The following UQCC5 variants were observed in gnomAD, a reference collection of about 807,000 sequenced individuals.
The protein encoded by UQCC5 is ubiquinol-cytochrome c reductase complex assembly factor 5.
the UQCC5 span, among the ~76,000 whole-genome samples, chr3:52,537,636 A>G: frequency 2.6e-5 from 4 of 152,262 alleles, no homozygotes; most frequent in Non-Finnish European, 5.9e-5. Context: ...TTGAGGGGCT[A>G]TAATGAACAA....
At chr3:52,538,112 T>C in the UQCC5 span, among the ~76,000 whole-genome samples, 1 of 152,204 alleles carries the variant, frequency 6.6e-6, no homozygotes, top group Non-Finnish European at 1.5e-5. Flanking sequence ...TTACGCTGTA[T>C]GGCTGTCCAG....
the UQCC5 span, among the ~76,000 whole-genome samples, chr3:52,539,166 C>T: frequency 2.0e-5 from 3 of 152,020 alleles, no homozygotes; most frequent in Non-Finnish European, 4.4e-5. Flanking sequence ...TCAGTTGGCC[C>T]CTCAGGACAC....
At chr3:52,538,340 G>A in the UQCC5 span, among the ~76,000 whole-genome samples, 3 of 152,242 alleles carry the variant, frequency 2.0e-5, no homozygotes, top group Admixed American at 1.3e-4. Flanking sequence ...CATCTGGGAC[G>A]TGACGAGGTA....
the UQCC5 span, chr3:52,541,065 G>A: frequency 1.3e-5 from 2 of 152,260 alleles, no homozygotes; most frequent in African/African-American, 2.4e-5. Flanking sequence ...GCAAGGGCTG[G>A]ATCTTCATGA....
At chr3:52,536,766 G>A in the UQCC5 span, 1 of 1,551,848 alleles carries the variant, frequency 6.4e-7, no homozygotes, top group Non-Finnish European at 8.7e-7. Flanking sequence ...ATGTTCACCA[G>A]GGCCCAGGTG....
At chr3:52,536,691 T>G in the UQCC5 span, 1 of 1,537,038 alleles carries the variant, frequency 6.5e-7, no homozygotes, top group Non-Finnish European at 8.8e-7. Context: ...CGGGGCGGTC[T>G]CGGCTGCGTC....
At chr3:52,539,571 C>T in the UQCC5 span, among the ~76,000 whole-genome samples, 1 of 151,726 alleles carries the variant, frequency 6.6e-6, no homozygotes, top group Admixed American at 6.6e-5. Flanking sequence ...ACTGAAGGGG[C>T]ATGATGGAGA....
At chr3:52,540,430 TCTAC>T in the UQCC5 span, 1 of 1,526,070 alleles carries the variant, frequency 6.6e-7, no homozygotes, top group Non-Finnish European at 8.8e-7. Flanking sequence ...ACAGATGATG[TCTAC>T]CGTAGAAAAG....
At chr3:52,539,230 G>A in the UQCC5 span, among the ~76,000 whole-genome samples, 1 of 152,234 alleles carries the variant, frequency 6.6e-6, no homozygotes, top group South Asian at 2.1e-4. Context: ...TCTGTGGTTG[G>A]GGTTTTGAGG....
the UQCC5 span, among the ~76,000 whole-genome samples, chr3:52,538,096 G>C: frequency 6.6e-6 from 1 of 152,242 alleles, no homozygotes; most frequent in African/African-American, 2.4e-5. Flanking sequence ...AGATTGGTAG[G>C]AACAGTTACG....
chr3:52,536,707 GATCC>G, the UQCC5 span: 2 of 1,545,340 alleles, frequency 1.3e-6, no homozygotes, highest in African/African-American at 2.7e-5. Flanking sequence ...GCGTCCGGGC[GATCC>G]AGTGCTTAGT....
the UQCC5 span, chr3:52,541,526 T>G: frequency 1.3e-5 from 2 of 152,208 alleles, no homozygotes; most frequent in Non-Finnish European, 2.9e-5. Context: ...AACCATTAAC[T>G]AACTACTCCC....
chr3:52,540,074 A>G, the UQCC5 span, among the ~76,000 whole-genome samples: 1 of 152,272 alleles, frequency 6.6e-6, no homozygotes, highest in Non-Finnish European at 1.5e-5. Flanking sequence ...CCAAGAGGCA[A>G]GAAGTGCCTT....
the UQCC5 span, chr3:52,536,987 C>A: frequency 6.6e-7 from 1 of 1,513,128 alleles, no homozygotes; most frequent in South Asian, 1.2e-5. Flanking sequence ...GGAGTATTCT[C>A]AGATTGCAGA....
At chr3:52,536,689 T>C in the UQCC5 span, 1 of 1,535,262 alleles carries the variant, frequency 6.5e-7, no homozygotes, top group African/African-American at 1.4e-5. Context: ...GGCGGGGCGG[T>C]CTCGGCTGCG....
the UQCC5 span, chr3:52,536,667 A>G: frequency 2.0e-6 from 3 of 1,516,314 alleles, no homozygotes; most frequent in Non-Finnish European, 2.7e-6. Flanking sequence ...GTCGCGGTAC[A>G]CGGCGAGAAC....
At chr3:52,539,656 T>G in the UQCC5 span, among the ~76,000 whole-genome samples, 4 of 135,754 alleles carry the variant, frequency 2.9e-5, no homozygotes, top group Non-Finnish European at 6.4e-5. Flanking sequence ...TTTTTTTTTT[T>G]GAGACAGAGT....
At chr3:52,540,791 C>T in the UQCC5 span, 1 of 245,828 alleles carries the variant, frequency 4.1e-6, no homozygotes, top group African/African-American at 2.2e-5. Flanking sequence ...TCAGTGAAGC[C>T]CGAATTGTTT....
At chr3:52,536,747 C>T in the UQCC5 span, 7 of 1,551,690 alleles carry the variant, frequency 4.5e-6, no homozygotes, top group Non-Finnish European at 6.1e-6. Context: ...TCCACGACCT[C>T]GGTCGAGCAT....
Sources: gnomAD v4.1 joint callset for allele counts (sites outside exome capture counted in the v4.1 genomes callset) on GRCh38, gnomAD v4.1.1 for gene constraint, MANE v1.5 for transcripts, NCBI Gene and HGNC (gene_info 2026-07-23, HGNC 2026-07-21) for gene names.